DMRT1: variants seen among roughly 807,000 people sequenced by gnomAD.
DMRT1 encodes the protein doublesex- and mab-3-related transcription factor 1.
A neutral mutation model predicts 32.3 loss-of-function variants in DMRT1; 7 were observed. The observed-to-expected ratio is 0.22, with a 90% CI of 0.12 to 0.41. The LOEUF is 0.41. DMRT1 is among the 10% of genes least tolerant of loss of function. The pLI is 1.00. For missense variants in DMRT1, 625 were observed against 500.5 expected (o/e 1.25, Z -2.37); for synonymous variants, 278 against 206.1 (o/e 1.35, Z -2.99).
At chr9:966,468 G>A (rs955550049) in intron 4 of DMRT1, among the ~76,000 whole-genome samples, 2 of 152,222 alleles carry the variant, frequency 1.3e-5, no homozygotes, top group South Asian at 2.1e-4. Context: ...TCAGGAAATT[G>A]CCTAAATTGT....
intron 3 of DMRT1, among the ~76,000 whole-genome samples, chr9:915,699 T>G (rs1265625443): frequency 6.6e-6 from 1 of 152,084 alleles, no homozygotes; most frequent in Non-Finnish European, 1.5e-5. Flanking sequence ...ATGGTTTGCA[T>G]GTTGTTTTAC....
chr9:956,175 G>A (rs1009415512), intron 4 of DMRT1, among the ~76,000 whole-genome samples: 1 of 152,120 alleles, frequency 6.6e-6, no homozygotes, highest in African/African-American at 2.4e-5. Context: ...AGACACAAAC[G>A]GACAAATACT....
At chr9:846,461 C>T (rs1010659836) in intron 1 of DMRT1, among the ~76,000 whole-genome samples, 2 of 152,180 alleles carry the variant, frequency 1.3e-5, no homozygotes, top group Non-Finnish European at 1.5e-5. Context: ...CCTTCCTAAT[C>T]TGTTAGTGCT....
intron 2 of DMRT1, among the ~76,000 whole-genome samples, chr9:860,315 A>G (rs1460163497): frequency 6.6e-6 from 1 of 152,194 alleles, no homozygotes; most frequent in Non-Finnish European, 1.5e-5. Context: ...TTAAATACAT[A>G]AAAAGTAAAA....
chr9:924,070 CTTTTTTTTT>C (rs1554757297), intron 4 of DMRT1, among the ~76,000 whole-genome samples: 6 of 87,024 alleles, frequency 6.9e-5, no homozygotes, highest in African/African-American at 1.4e-4. Flanking sequence ...TGATCAATCT[CTTTTTTTTT>C]TTTTTTTTTC....
At chr9:869,901 G>C (rs1589475843) in intron 2 of DMRT1, among the ~76,000 whole-genome samples, 1 of 152,280 alleles carries the variant, frequency 6.6e-6, no homozygotes, top group East Asian at 1.9e-4. Flanking sequence ...ATTCTGTGGA[G>C]TTGGTGGGCG....
At chr9:891,514 CTT>C (rs1241203326) in intron 2 of DMRT1, among the ~76,000 whole-genome samples, 3 of 137,306 alleles carry the variant, frequency 2.2e-5, no homozygotes, top group Non-Finnish European at 1.6e-5. Flanking sequence ...GGAGGTTTTA[CTT>C]TTTTTTTTTT....
chr9:849,197 G>T (rs912167), intron 2 of DMRT1, among the ~76,000 whole-genome samples: 1 of 151,820 alleles, frequency 6.6e-6, no homozygotes, highest in African/African-American at 2.4e-5. Flanking sequence ...ATTTATTCCA[G>T]GCCTGTCTGG....
chr9:858,870 A>AAAAAAAAAAAT (rs1815525305), intron 2 of DMRT1, among the ~76,000 whole-genome samples: 1 of 48,076 alleles, frequency 2.1e-5, no homozygotes, highest in African/African-American at 8.3e-5. Context: ...AAAAAAAAAA[A>AAAAAAAAAAAT]ATATATATAT....
intron 3 of DMRT1, among the ~76,000 whole-genome samples, chr9:910,455 C>G (rs1289916722): frequency 1.3e-5 from 2 of 151,866 alleles, no homozygotes; most frequent in East Asian, 1.9e-4. Context: ...AGACTGTTCA[C>G]TTTGATGCAA....
intron 2 of DMRT1, among the ~76,000 whole-genome samples, chr9:892,493 C>T (rs1168142584): frequency 6.6e-6 from 1 of 152,110 alleles, no homozygotes; most frequent in African/African-American, 2.4e-5. Flanking sequence ...CCTGGCAGCC[C>T]CTCAGCCCTC....
rs34584256 is a variant in DMRT1, at chr9:914,573, CAAAAAAA to C, written c.823-2173_823-2167del. On this transcript the variant is annotated intron_variant, in intron 3 of 4. Coordinates refer to ENST00000382276, the MANE Select transcript of DMRT1 (RefSeq NM_021951.3). Reference sequence around the variant, plus strand: ...TGGGCGACAGAGTGGGACTCTGTCTCAAAAAAAAAAAAAAAAAAAAAAAGATTTAATG... The same window carrying C: ...TGGGCGACAGAGTGGGACTCTGTCTCAAAAAAAAAAAAAAAAGATTTAATG... Among the ~76,000 whole-genome samples, 21 of 66,176 alleles carry C rather than the reference CAAAAAAA, an allele frequency of 3.2e-4. No individual in the cohort carries two copies. In the East Asian group the frequency reaches 8.8e-3, roughly 28 times the overall value. 43.4% of individuals were successfully genotyped at this position (66,176 alleles called of 152,430 possible).
intron 2 of DMRT1, among the ~76,000 whole-genome samples, chr9:870,086 T>C (rs10977231): frequency 0.3 from 45,209 of 152,188 alleles, 8,083 homozygotes; most frequent in Non-Finnish European, 0.4. Flanking sequence ...CAAATTACTG[T>C]GACTATTCAA....
At chr9:871,720 C>T (rs565817363) in intron 2 of DMRT1, among the ~76,000 whole-genome samples, 15 of 151,036 alleles carry the variant, frequency 9.9e-5, no homozygotes, top group Admixed American at 2.0e-4. Flanking sequence ...GTGATTCGCC[C>T]GCCTCGGCCT....
At chr9:869,584 G>C (rs943275260) in intron 2 of DMRT1, among the ~76,000 whole-genome samples, 2 of 151,938 alleles carry the variant, frequency 1.3e-5, no homozygotes, top group Admixed American at 1.3e-4. Context: ...TTTCTCCCAA[G>C]GTCTCCTATC....
intron 2 of DMRT1, among the ~76,000 whole-genome samples, chr9:852,381 CTTTAGCATAAAAT>C (rs1815185975): frequency 6.8e-6 from 1 of 146,086 alleles, no homozygotes; most frequent in African/African-American, 2.5e-5. Context: ...ATGTTTTGAA[CTTTAGCATAAAAT>C]GTACTTTTTT....
At chr9:941,327 C>CCG (rs1819061025) in intron 4 of DMRT1, among the ~76,000 whole-genome samples, 1 of 122,042 alleles carries the variant, frequency 8.2e-6, no homozygotes, top group Non-Finnish European at 1.6e-5. Context: ...ACACACACCC[C>CCG]CTCCCCCCCC....
Position 846,992 on chromosome 9 carries a change from G to A in DMRT1, c.387G>A (p.Glu129=), listed in dbSNP as rs917429401. Residue 129 remains glutamate (E), a synonymous_variant, in exon 2 of 5, where the codon GAG becomes GAA. Coordinates refer to ENST00000382276, the MANE Select transcript of DMRT1 (RefSeq NM_021951.3). ...TGAGAAGGCAGCAGGCCCAGGAGGA[G>A]GAATTGGGTATCAGCCACCCCATCC... is the stretch of plus-strand genomic sequence containing the variant. The part of the protein sequence containing the change: ...VALRRQQAQE[E]ELGISHPIPL... 1.9e-6 allele frequency: 3 copies of A among 1,614,196 alleles called. No individual in the cohort carries two copies. The highest frequency in any genetic ancestry group is 2.5e-6 in the Non-Finnish European group (3 of 1,180,056).
At chr9:959,160 C>T (rs565467422) in intron 4 of DMRT1, among the ~76,000 whole-genome samples, 7 of 152,228 alleles carry the variant, frequency 4.6e-5, no homozygotes, top group South Asian at 2.1e-4. Flanking sequence ...AGAGACGACT[C>T]GTAGAGCATC....
Sources: allele counts gnomAD v4.1 joint callset (sites outside exome capture counted in the v4.1 genomes callset), GRCh38; gene constraint gnomAD v4.1.1; transcripts MANE v1.5; gene names NCBI Gene and HGNC (gene_info 2026-07-23, HGNC 2026-07-21).